PLB1: variants seen among roughly 807,000 people sequenced by gnomAD.
PLB1 encodes phospholipase B1, also known as phospholipase B1, membrane-associated.
In PLB1, 242 loss-of-function variants were observed where a neutral mutation model predicts 227.4. The ratio of observed to expected loss-of-function variants is 1.06; its 90% confidence interval spans 0.96 to 1.18. The LOEUF (loss-of-function observed/expected upper bound fraction) is 1.18. Ranked by LOEUF, PLB1 falls within the 50% of genes most tolerant of loss-of-function variation. The pLI, the probability that PLB1 is intolerant of heterozygous loss-of-function variation, is 0.00. For synonymous variants in PLB1, 757 were observed against 682.2 expected, an observed-to-expected ratio of 1.11 and a Z score of -1.71; for missense variants, 1,858 against 1,816.3, an observed-to-expected ratio of 1.02 and a Z score of -0.42.
chr2:28,555,862 C>A (rs1263342414), intron 17 of PLB1, among the ~76,000 whole-genome samples: 1 of 139,666 alleles, frequency 7.2e-6, no homozygotes, highest in African/African-American at 2.7e-5. Context: ...AAGTTACTTT[C>A]CTTTTTTTTT....
intron 16 of PLB1, among the ~76,000 whole-genome samples, chr2:28,552,705 T>G (rs1339904452): frequency 6.6e-6 from 1 of 152,038 alleles, no homozygotes; most frequent in Non-Finnish European, 1.5e-5. Context: ...GGCCTGAACT[T>G]AGGTGGAGGC....
chr2:28,548,051 C>A (rs1044276263), intron 14 of PLB1, among the ~76,000 whole-genome samples: 7 of 152,060 alleles, frequency 4.6e-5, no homozygotes, highest in African/African-American at 1.4e-4. Flanking sequence ...TACCACACCA[C>A]CCACTCCTGG....
chr2:28,623,367 G>A (rs1043779954), intron 49 of PLB1, among the ~76,000 whole-genome samples: 10 of 151,956 alleles, frequency 6.6e-5, no homozygotes, highest in Non-Finnish European at 1.0e-4. Flanking sequence ...GCTAGGAAGA[G>A]GGGAAGAAGC....
At chr2:28,532,683 C>T (rs1330262620) in intron 9 of PLB1, among the ~76,000 whole-genome samples, 2 of 152,150 alleles carry the variant, frequency 1.3e-5, no homozygotes, top group Admixed American at 6.5e-5. Flanking sequence ...AACTATCTTG[C>T]GTCTTAATTC....
chr2:28,569,355 AT>A (rs1400362418), intron 20 of PLB1, among the ~76,000 whole-genome samples: 1 of 152,228 alleles, frequency 6.6e-6, no homozygotes, highest in African/African-American at 2.4e-5. Context: ...GCCCTGGGGT[AT>A]ATATAGACCC....
intron 9 of PLB1, 130 bp downstream of exon 9, chr2:28,532,324 G>A: frequency 1.9e-6 from 1 of 522,404 alleles, no homozygotes; most frequent in South Asian, 3.2e-5. Context: ...GAACATGGAT[G>A]GATGGATGGA....
chr2:28,507,693 C>T (rs1667784715), intron 1 of PLB1, among the ~76,000 whole-genome samples: 1 of 152,158 alleles, frequency 6.6e-6, no homozygotes, highest in African/African-American at 2.4e-5. Flanking sequence ...TACAAATAAA[C>T]TTTGAATATG....
chr2:28,499,849 T>C (rs1440060263), intron 1 of PLB1, among the ~76,000 whole-genome samples: 1 of 152,126 alleles, frequency 6.6e-6, no homozygotes, highest in Non-Finnish European at 1.5e-5. Context: ...TGCACCACCG[T>C]ACTCCAGCCT....
intron 12 of PLB1, 54 bp from the exon 13 acceptor site, chr2:28,541,653 C>T (rs1464399138): frequency 1.1e-5 from 15 of 1,396,324 alleles, no homozygotes; most frequent in South Asian, 4.8e-5. Flanking sequence ...GGTCTGGGGC[C>T]GGCTCTGCCT....
intron 1 of PLB1, among the ~76,000 whole-genome samples, chr2:28,510,083 G>A (rs1222420704): frequency 3.9e-5 from 6 of 152,188 alleles, no homozygotes; most frequent in Non-Finnish European, 1.5e-5. Context: ...ATTTAGTTAT[G>A]TGAAGAAATC....
intron 20 of PLB1, 138 bp from the exon 21 acceptor site, chr2:28,573,059 A>G: frequency 1.5e-6 from 1 of 649,532 alleles, no homozygotes; most frequent in Non-Finnish European, 2.8e-6. Context: ...TTTTCTTCCC[A>G]TGCTGAGTGA....
intron 4 of PLB1, among the ~76,000 whole-genome samples, chr2:28,521,769 C>T (rs1223478289): frequency 1.3e-5 from 2 of 151,994 alleles, no homozygotes; most frequent in Non-Finnish European, 2.9e-5. Context: ...CCTTGCTGCC[C>T]CCGATCTCAG....
At chr2:28,564,359 A>G (rs1166911270) in intron 18 of PLB1, among the ~76,000 whole-genome samples, 1 of 152,182 alleles carries the variant, frequency 6.6e-6, no homozygotes. Flanking sequence ...CCAGGGCCCT[A>G]TCCCTATGCT....
intron 9 of PLB1, among the ~76,000 whole-genome samples, chr2:28,536,142 C>G (rs907747919): frequency 9.9e-5 from 15 of 152,186 alleles, no homozygotes; most frequent in African/African-American, 3.6e-4. Context: ...ATTCTCTTCC[C>G]CTGTGGAGAC....
chr2:28,557,653 T>G (rs1572958234), intron 17 of PLB1, among the ~76,000 whole-genome samples: 2 of 152,118 alleles, frequency 1.3e-5, no homozygotes, highest in African/African-American at 4.8e-5. Context: ...TGATAAGAGG[T>G]CCCCTCTGTA....
At chr2:28,557,167 A>T (rs557342169) in intron 17 of PLB1, among the ~76,000 whole-genome samples, 197 of 152,254 alleles carry the variant, frequency 1.3e-3, no homozygotes, top group Admixed American at 2.5e-3. Flanking sequence ...CTCCCCCAAG[A>T]CACTTAGAGA....
At chr2:28,617,614 G>A in intron 44 of PLB1, 113 bp from the exon 45 acceptor site, 1 of 986,240 alleles carries the variant, frequency 1.0e-6, no homozygotes, top group East Asian at 2.4e-5. Context: ...ATCCTGTATG[G>A]TGACTCATTT....
At chr2:28,504,776 T>A (rs1667470198) in intron 1 of PLB1, among the ~76,000 whole-genome samples, 1 of 151,974 alleles carries the variant, frequency 6.6e-6, no homozygotes, top group Non-Finnish European at 1.5e-5. Context: ...CAACAAAAAT[T>A]CATTTTGAAA....
intron 4 of PLB1, among the ~76,000 whole-genome samples, chr2:28,520,509 C>G (rs958581102): frequency 7.2e-5 from 11 of 152,160 alleles, no homozygotes; most frequent in African/African-American, 2.4e-4. Context: ...GTATAGTTCA[C>G]TAGTGTTAAA....
Sources: allele counts gnomAD v4.1 joint callset (sites outside exome capture counted in the v4.1 genomes callset), GRCh38; gene constraint gnomAD v4.1.1; transcripts MANE v1.5; gene names NCBI Gene and HGNC (gene_info 2026-07-23, HGNC 2026-07-21).